Variants in TJP1 observed in about 807,000 individuals in gnomAD.
TJP1 encodes tight junction protein 1.
A neutral mutation model predicts 194.2 loss-of-function variants in TJP1; 43 were observed. The ratio of observed to expected loss-of-function variants is 0.22; its 90% confidence interval spans 0.17 to 0.29. The LOEUF is 0.29. TJP1 is among the 10% of genes least tolerant of loss of function. The pLI, the probability that TJP1 is intolerant of heterozygous loss-of-function variation, is 1.00. For missense variants in TJP1, 1,971 were observed against 2,185.7 expected, an observed-to-expected ratio of 0.90 and a Z score of 1.96; for synonymous variants, 801 against 779.0, an observed-to-expected ratio of 1.03 and a Z score of -0.47.
chr15:29,878,444 G>A (rs1284082654), intron 2 of TJP1, among the ~76,000 whole-genome samples: 2 of 152,160 alleles, frequency 1.3e-5, no homozygotes, highest in Admixed American at 1.3e-4. Flanking sequence ...TTTCCCCAGA[G>A]CTGTTATGAA....
intron 15 of TJP1, chr15:29,730,809 G>C: frequency 6.1e-6 from 5 of 825,360 alleles, no homozygotes; most frequent in Non-Finnish European, 1.1e-5. Context: ...TGCTAAACCT[G>C]CTCCTCCAAA....
chr15:29,817,578 A>T (rs1326761783), intron 1 of TJP1, among the ~76,000 whole-genome samples: 1 of 152,216 alleles, frequency 6.6e-6, no homozygotes. Flanking sequence ...ACATGGAACC[A>T]ACCCAAATGC....
intron 15 of TJP1, among the ~76,000 whole-genome samples, chr15:29,731,151 C>T (rs1389416218): frequency 6.7e-6 from 1 of 149,300 alleles, no homozygotes; most frequent in Admixed American, 6.7e-5. Flanking sequence ...GGGGAAGGGG[C>T]ATATGTCACT....
intron 2 of TJP1, among the ~76,000 whole-genome samples, chr15:29,898,113 G>A (rs1039163164): frequency 5.3e-5 from 8 of 152,270 alleles, no homozygotes; most frequent in South Asian, 4.2e-4. Flanking sequence ...ATCTTATCTC[G>A]AATTCTAACT....
chr15:29,790,880 A>AT (rs1274577769), intron 2 of TJP1, among the ~76,000 whole-genome samples: 1 of 148,578 alleles, frequency 6.7e-6, no homozygotes, highest in African/African-American at 2.5e-5. Flanking sequence ...GGATTTCATT[A>AT]TTTTTTATGG....
rs140272396 is a variant in TJP1, at chr15:29,921,505, C to A, written c.306+34727G>T. The stretch of plus-strand genomic sequence containing the variant: ...GCAGGAAACAACCTCACAGCCCCTG[C>A]CTGCAGCAAGCTCATCTGGAGCTGA... On this transcript the variant is annotated intron_variant, in intron 2 of 28. Transcript: ENST00000356107. Among the ~76,000 whole-genome samples the A allele has an allele frequency of 5.9e-3, 899 of 152,268 alleles. 10 individuals are homozygous for A. Among genetic ancestry groups the A allele is most frequent in the Middle Eastern group, 0.01 (3 of 294 alleles).
intron 2 of TJP1, among the ~76,000 whole-genome samples, chr15:29,909,397 G>A (rs2053945826): frequency 6.7e-6 from 1 of 149,686 alleles, no homozygotes; most frequent in Non-Finnish European, 1.5e-5. Context: ...TAAACTTCCA[G>A]CTATTGTGGT....
intron 2 of TJP1, among the ~76,000 whole-genome samples, chr15:29,923,319 AC>A (rs1265993588): frequency 6.6e-6 from 1 of 152,204 alleles, no homozygotes; most frequent in East Asian, 1.9e-4. Context: ...TGCTACAGTC[AC>A]TGAAAATGTA....
chr15:29,702,242 C>T (rs1451398452), intron 27 of TJP1, among the ~76,000 whole-genome samples: 2 of 152,004 alleles, frequency 1.3e-5, no homozygotes, highest in African/African-American at 4.8e-5. Flanking sequence ...ACTGTCTTCC[C>T]CCTTACAAAA....
intron 1 of TJP1, among the ~76,000 whole-genome samples, chr15:29,964,077 A>G (rs1201261907): frequency 6.6e-6 from 1 of 152,258 alleles, no homozygotes; most frequent in East Asian, 1.9e-4. Context: ...ATACCTGCAG[A>G]ACAGCAGCAT....
At chr15:29,910,607 A>G (rs2053981629) in intron 2 of TJP1, among the ~76,000 whole-genome samples, 1 of 152,250 alleles carries the variant, frequency 6.6e-6, no homozygotes, top group Non-Finnish European at 1.5e-5. Context: ...TAAAGTTGAA[A>G]GTAATTATAT....
At chr15:29,803,906 C>T (rs2048948100) in intron 1 of TJP1, among the ~76,000 whole-genome samples, 2 of 151,842 alleles carry the variant, frequency 1.3e-5, no homozygotes, top group Non-Finnish European at 2.9e-5. Context: ...TGAAGGAAGA[C>T]CTATGTAGAA....
intron 2 of TJP1, among the ~76,000 whole-genome samples, chr15:29,798,954 G>T (rs967181569): frequency 2.6e-5 from 4 of 152,196 alleles, no homozygotes; most frequent in African/African-American, 9.7e-5. Flanking sequence ...GAAAAGGCAA[G>T]AATGTACAAA....
intron 2 of TJP1, among the ~76,000 whole-genome samples, chr15:29,833,131 CA>C (rs1019736786): frequency 2.0e-5 from 3 of 150,086 alleles, no homozygotes; most frequent in Non-Finnish European, 3.0e-5. Flanking sequence ...TAGAGTGCCA[CA>C]AAAAAAAAGT....
chr15:29,705,453 G>A, intron 26 of TJP1, 75 bp downstream of exon 26: 2 of 1,429,170 alleles, frequency 1.4e-6, no homozygotes, highest in South Asian at 1.3e-5. Context: ...TATTAGCCAA[G>A]CACTATAAGC....
chr15:29,808,486 G>A (rs1165678217), intron 1 of TJP1, among the ~76,000 whole-genome samples: 1 of 152,296 alleles, frequency 6.6e-6, no homozygotes, highest in Non-Finnish European at 1.5e-5. Flanking sequence ...AATGTATTAT[G>A]TTATTTAAAA....
chr15:29,742,097 ACC>A (rs1000305796), intron 9 of TJP1, among the ~76,000 whole-genome samples: 4 of 151,840 alleles, frequency 2.6e-5, no homozygotes, highest in Non-Finnish European at 5.9e-5. Flanking sequence ...CCACAAAAAA[ACC>A]CCAGAAAACC....
intron 13 of TJP1, 29 bp from the exon 14 acceptor site, chr15:29,732,844 A>C: frequency 6.5e-7 from 1 of 1,547,854 alleles, no homozygotes; most frequent in African/African-American, 1.4e-5. Flanking sequence ...AATTAAAATA[A>C]GGGCATTTAA....
chr15:29,721,578 T>C (rs2042930802), intron 18 of TJP1, among the ~76,000 whole-genome samples: 1 of 152,088 alleles, frequency 6.6e-6, no homozygotes, highest in Non-Finnish European at 1.5e-5. Flanking sequence ...ATACAGTAAA[T>C]TGGTACCAGA....
Sources: allele counts gnomAD v4.1 joint callset (sites outside exome capture counted in the v4.1 genomes callset), GRCh38; gene constraint gnomAD v4.1.1; transcripts MANE v1.5; gene names NCBI Gene and HGNC (gene_info 2026-07-23, HGNC 2026-07-21).